The following RXFP2 variants were observed in gnomAD, a reference collection of about 807,000 sequenced individuals.
RXFP2 encodes the protein relaxin receptor 2.
A neutral mutation model predicts 88.6 loss-of-function variants in RXFP2; 68 were observed. That is an observed-to-expected ratio of 0.77 (90% CI 0.63 to 0.94). RXFP2 has a LOEUF of 0.94. Ranked by LOEUF, RXFP2 falls within the 40% of genes least tolerant of loss-of-function variation. The pLI is 0.00. For synonymous variants in RXFP2, 329 were observed against 306.8 expected (o/e 1.07, Z -0.76); for missense variants, 791 against 893.9 (o/e 0.88, Z 1.47).
intron 4 of RXFP2, 148 bp from the exon 5 acceptor site, chr13:31,765,808 A>G: frequency 4.9e-6 from 3 of 614,308 alleles, no homozygotes; most frequent in South Asian, 4.0e-5. Context: ...TCATTCTCCC[A>G]TGAAAAATTT....
intron 5 of RXFP2, among the ~76,000 whole-genome samples, chr13:31,770,549 A>T (rs1374525088): frequency 6.6e-6 from 1 of 152,202 alleles, no homozygotes; most frequent in Non-Finnish European, 1.5e-5. Context: ...ACACAAGAAC[A>T]AAGTAGGAGT....
At chr13:31,777,539 C>A in intron 8 of RXFP2, 92 bp downstream of exon 8, 1 of 981,824 alleles carries the variant, frequency 1.0e-6, no homozygotes, top group Non-Finnish European at 1.6e-6. Flanking sequence ...AAAAATCAAG[C>A]CCACAAAAAT....
chr13:31,782,165 A>G (rs985855676), intron 10 of RXFP2, among the ~76,000 whole-genome samples: 1 of 152,220 alleles, frequency 6.6e-6, no homozygotes, highest in African/African-American at 2.4e-5. Context: ...AAGGAAAAAC[A>G]TCTAATGCAT....
chr13:31,793,311 C>G (rs1315739490), intron 16 of RXFP2, among the ~76,000 whole-genome samples: 1 of 152,020 alleles, frequency 6.6e-6, no homozygotes, highest in African/African-American at 2.4e-5. Flanking sequence ...ACCAGGATCT[C>G]TGGATGATAT....
chr13:31,780,869 A>G (rs1873234694), intron 9 of RXFP2, among the ~76,000 whole-genome samples: 1 of 152,206 alleles, frequency 6.6e-6, no homozygotes, highest in Non-Finnish European at 1.5e-5. Flanking sequence ...AGATGGCTGG[A>G]CTTCAGTACT....
In RXFP2 at chr13:31,792,950, T is replaced by A; in HGVS notation, c.1648T>A (p.Phe550Ile). The A allele has an allele frequency of 1.2e-6, 2 of 1,614,122 alleles. No homozygotes were observed. Among genetic ancestry groups the A allele is most frequent in the Non-Finnish European group, 1.7e-6 (2 of 1,180,020 alleles). ...CCTCATTTGCATCTGGATGGCGGGA[T>A]TTTTAATAGCTGTAATTCCATTTTG... The part of the protein sequence containing the change: ...VILICIWMAG[F>I]LIAVIPFWNK... Residue 550 changes from phenylalanine to isoleucine, a missense_variant, in exon 16 of 18, where the codon TTT (phenylalanine) becomes ATT (isoleucine). Phe to Ile is a conservative substitution (Grantham distance 21, BLOSUM62 0). Coordinates refer to ENST00000298386, the MANE Select transcript of RXFP2 (RefSeq NM_130806.5).
chr13:31,778,423 C>A, intron 8 of RXFP2, 89 bp from the exon 9 acceptor site: 1 of 885,414 alleles, frequency 1.1e-6, no homozygotes, highest in African/African-American at 1.7e-5. Flanking sequence ...AATTTTAGCA[C>A]GCAAGTTTTG....
At chr13:31,755,822 A>G (rs1031097853) in intron 1 of RXFP2, among the ~76,000 whole-genome samples, 21 of 152,216 alleles carry the variant, frequency 1.4e-4, no homozygotes, top group African/African-American at 4.3e-4. Flanking sequence ...CCACTACTGC[A>G]GCAATAGCAG....
chr13:31,786,410 A>G lies in RXFP2; in HGVS notation c.957A>G (p.Glu319=), dbSNP rs7325513. 956,089 of 1,598,764 alleles carry G rather than the reference A, an allele frequency of 0.6. 289,002 individuals carry two copies. The highest frequency in any genetic ancestry group is 0.77 in the East Asian group (34,578 of 44,782). The change falls in exon 12 of 18, where the codon GAA becomes GAG. Residue 319 remains glutamate, a synonymous_variant. Coordinates refer to ENST00000298386, the MANE Select transcript of RXFP2 (RefSeq NM_130806.5). ...ELDLSSNTIT[E]LSPHLFKDLK... is the part of the protein sequence containing the mutation. ...ATCTGTCTAGCAATACGATAACGGAACTATCACCTCACCTTTTTAAAGACT... is the reference window on the plus strand; with the variant it reads ...ATCTGTCTAGCAATACGATAACGGAGCTATCACCTCACCTTTTTAAAGACT...
rs199755914 is a variant in RXFP2, at chr13:31,775,416, C to A, written c.641+27C>A. The A allele has an allele frequency of 7.6e-6, 11 of 1,446,316 alleles. No homozygotes were observed. The African/African-American group carries it at 1.4e-4, about 18-fold the overall frequency. 89.6% of individuals were successfully genotyped at this position (1,446,316 alleles called of 1,614,324 possible). A position where few individuals can be genotyped will look rare whatever the true frequency, so the allele number is the denominator to read the frequency against. ...TAAGTACTCTAATTCTTCTTTCTCC[C>A]ATAGAGGATCATAGTCTTGATGATA... On this transcript the variant is annotated intron_variant, in intron 7 of 17. Coordinates refer to ENST00000298386, the MANE Select transcript of RXFP2 (RefSeq NM_130806.5).
At position 31,746,793 on chromosome 13, in the gene RXFP2, C is replaced by A. The variant is rs146001758; in HGVS notation, c.94+7087C>A. 5.0e-3 allele frequency among the ~76,000 whole-genome samples: 483 copies of A among 97,052 alleles called. 1 individual carries two copies. The highest frequency in any genetic ancestry group is 0.014 in the Middle Eastern group (2 of 138). 63.7% of individuals were successfully genotyped at this position (97,052 alleles called of 152,430 possible). On this transcript the variant is annotated intron_variant, in intron 1 of 17. Coordinates refer to ENST00000298386, the MANE Select transcript of RXFP2 (RefSeq NM_130806.5). ...AATATATCTATTGCTGTAGATATTT[C>A]TACTCATAATTTCCTTTCATGTAAA...
intron 5 of RXFP2, among the ~76,000 whole-genome samples, chr13:31,769,208 G>T (rs892328235): frequency 6.6e-6 from 1 of 152,098 alleles, no homozygotes. Context: ...GGTGGTGAGG[G>T]CTAAAAATAA....
chr13:31,793,949 T>A (rs1447267716), intron 16 of RXFP2, among the ~76,000 whole-genome samples: 1 of 152,176 alleles, frequency 6.6e-6, no homozygotes, highest in Non-Finnish European at 1.5e-5. Context: ...CCCTTACTGG[T>A]CTCGTAACCT....
At chr13:31,795,167 T>G (rs1351705452) in intron 16 of RXFP2, among the ~76,000 whole-genome samples, 1 of 151,858 alleles carries the variant, frequency 6.6e-6, no homozygotes, top group Non-Finnish European at 1.5e-5. Flanking sequence ...TTTTTTTTTT[T>G]GAGACAGAGT....
chr13:31,756,522 G>A (rs760600059), intron 1 of RXFP2, among the ~76,000 whole-genome samples: 2 of 152,048 alleles, frequency 1.3e-5, no homozygotes, highest in Non-Finnish European at 2.9e-5. Context: ...GTGGTTAGGA[G>A]CACTTTGCCC....
intron 7 of RXFP2, among the ~76,000 whole-genome samples, chr13:31,777,105 A>C (rs1301112049): frequency 6.6e-6 from 1 of 152,192 alleles, no homozygotes; most frequent in Non-Finnish European, 1.5e-5. Flanking sequence ...GAGGTGACAG[A>C]TACAACCTGG....
intron 16 of RXFP2, 61 bp from the exon 17 acceptor site, chr13:31,797,140 C>A (rs2138466939): frequency 8.6e-7 from 1 of 1,159,946 alleles, no homozygotes; most frequent in Non-Finnish European, 1.3e-6. Flanking sequence ...CAACCTGTAC[C>A]ACAGTAATTT....
chr13:31,768,527 C>A (rs940063426), intron 5 of RXFP2, among the ~76,000 whole-genome samples: 1 of 152,050 alleles, frequency 6.6e-6, no homozygotes, highest in Non-Finnish European at 1.5e-5. Context: ...GGTTGTTTGC[C>A]CAAAGTCAGT....
chr13:31,778,504 G>C lies in RXFP2; in HGVS notation c.714-8G>C. 6.3e-7 allele frequency: 1 copy of C among 1,583,370 alleles called. No homozygotes were observed. Among genetic ancestry groups the C allele is most frequent in the Non-Finnish European group, 8.7e-7 (1 of 1,152,384 alleles). The stretch of plus-strand genomic sequence containing the variant: ...TTTATTTCTAATTAACATTTTCTTT[G>C]TGTAAAGGTCTATGGTTAATAACTA... On this transcript the variant is annotated splice_polypyrimidine_tract_variant and splice_region_variant and intron_variant, in intron 8 of 17. Coordinates refer to ENST00000298386, the MANE Select transcript of RXFP2 (RefSeq NM_130806.5).
Sources: gnomAD v4.1 joint callset for allele counts (sites outside exome capture counted in the v4.1 genomes callset) on GRCh38, gnomAD v4.1.1 for gene constraint, MANE v1.5 for transcripts, NCBI Gene and HGNC (gene_info 2026-07-23, HGNC 2026-07-21) for gene names.